SAMD9L: variants seen among roughly 807,000 people sequenced by gnomAD.
SAMD9L encodes the protein sterile alpha motif domain-containing protein 9-like.
Under a neutral mutation model 90.7 loss-of-function variants are expected in SAMD9L, and 68 were observed. The observed-to-expected ratio is 0.75, with a 90% confidence interval of 0.62 to 0.92. The LOEUF is 0.92. Among genes scored for constraint, SAMD9L ranks in the 40% least tolerant of loss-of-function variants. The probability of loss-of-function intolerance (pLI) is 0.00; values close to 1 mark genes in which losing one functional copy is unlikely to be tolerated. For synonymous variants in SAMD9L, 640 were observed against 630.1 expected (o/e 1.02, Z -0.23); for missense variants, 1,604 against 1,824.3 (o/e 0.88, Z 2.20).
In SAMD9L at chr7:93,135,725, C is replaced by T; in HGVS notation, c.247G>A (p.Asp83Asn). 1.2e-6 allele frequency: 2 copies of T among 1,614,024 alleles called. No homozygotes were observed. Among genetic ancestry groups the T allele is most frequent in the Non-Finnish European group, 1.7e-6 (2 of 1,179,986 alleles). ...TCTAATTGTCCCGGATCATGATTGT[C>T]ACTTTCAGGGGACTTACTATTCAAT... ...NKLNSKSPES[D>N]NHDPGQLDNS... is the part of the protein sequence containing the mutation. The change falls in exon 5 of 5, where the codon GAC becomes AAC. Residue 83 changes from aspartate (D) to asparagine (N), a missense_variant. Physicochemically the swap from Asp to Asn is conservative, Grantham distance 23. Coordinates refer to ENST00000318238, the MANE Select transcript of SAMD9L (RefSeq NM_152703.5).
At position 93,131,180 on chromosome 7, in the gene SAMD9L, TA is replaced by T; in HGVS notation, c.*36del. 8.6e-7 allele frequency: 1 copy of T among 1,160,368 alleles called. No individual in the cohort carries two copies. 71.9% of individuals were successfully genotyped at this position (1,160,368 alleles called of 1,614,324 possible). ...GAGAGAGAATAAAATCATAAAGATA[TA>T]AATAAACGTATTTGAACTACAGGTG... On this transcript the variant is annotated 3_prime_UTR_variant, in exon 5 of 5. Coordinates refer to ENST00000318238, the MANE Select transcript of SAMD9L (RefSeq NM_152703.5).
chr7:93,140,336 A>C (rs1792639973), intron 4 of SAMD9L, among the ~76,000 whole-genome samples: 1 of 148,238 alleles, frequency 6.7e-6, no homozygotes, highest in African/African-American at 2.5e-5. Flanking sequence ...CCCTAACTGG[A>C]GCATGCTGGA....
At position 93,131,651 on chromosome 7, in the gene SAMD9L, G is replaced by A. The variant is rs1401538840; in HGVS notation, c.4321C>T (p.Leu1441=). Reference sequence around the variant, plus strand: ...TCTATTAGTTTGGAATCTTGATCTAGCTCTTGATTTTCTGGCCAGAACAGG... The same window carrying A: ...TCTATTAGTTTGGAATCTTGATCTAACTCTTGATTTTCTGGCCAGAACAGG... ...CLLFWPENQE[L]DQDSKLIEKY... is the part of the protein sequence containing the mutation. The change falls in exon 5 of 5, where the codon CTA becomes TTA. Residue 1441 remains leucine (L), a synonymous_variant. Coordinates refer to ENST00000318238, the MANE Select transcript of SAMD9L (RefSeq NM_152703.5). The A allele has an allele frequency of 1.9e-6, 3 of 1,613,844 alleles. No individual in the cohort carries two copies. Among genetic ancestry groups the A allele is most frequent in the Non-Finnish European group, 2.5e-6 (3 of 1,179,872 alleles).
chr7:93,132,523 G>A lies in SAMD9L; in HGVS notation c.3449C>T (p.Thr1150Ile), dbSNP rs751143277. 1 of 1,613,842 alleles carries A rather than the reference G, an allele frequency of 6.2e-7. No homozygotes were observed. Among genetic ancestry groups the A allele is most frequent in the Non-Finnish European group, 8.5e-7 (1 of 1,179,800 alleles). The change falls in exon 5 of 5, where the codon ACA becomes ATA. Residue 1150 changes from threonine (T) to isoleucine (I), a missense_variant. Thr to Ile is a moderately conservative substitution (Grantham distance 89). This residue lies in a region of SAMD9L where 302 missense variants were observed against 314.7 expected (regional missense o/e 0.96). Coordinates refer to ENST00000318238, the MANE Select transcript of SAMD9L (RefSeq NM_152703.5). The stretch of plus-strand genomic sequence containing the variant: ...TTTTTCCGCAGCTTCTAGGAGATGT[G>A]TTAGGTCATTAACAGTAATGCTCCT... ...NCRSITVNDL[T>I]HLLEAAEKAS...
Position 93,132,034 on chromosome 7 carries a change from C to G in SAMD9L, c.3938G>C (p.Cys1313Ser), listed in dbSNP as rs751866365. 1 of 1,613,570 alleles carries G rather than the reference C, an allele frequency of 6.2e-7. No homozygotes were observed. Among genetic ancestry groups the G allele is most frequent in the South Asian group, 1.1e-5 (1 of 91,014 alleles). The change falls in exon 5 of 5, where the codon TGT becomes TCT. Residue 1313 changes from cysteine to serine, a missense_variant. By Grantham distance (112) the Cys-to-Ser change is moderately radical. Around this residue, in one of 7 missense-constraint regions of SAMD9L, gnomAD observed 282 missense variants for 329.6 expected, o/e 0.86. Coordinates refer to ENST00000318238, the MANE Select transcript of SAMD9L (RefSeq NM_152703.5). ...YTELFCHLDP[C>S]LLQSKESQLL... The stretch of plus-strand genomic sequence containing the variant: ...TTGACTCTCTTTACTTTGTAATAGA[C>G]ATGGATCCAAATGACAGAAAAGTTC...
At chr7:93,147,542 C>T (rs866369656) in intron 1 of SAMD9L, among the ~76,000 whole-genome samples, 5 of 152,136 alleles carry the variant, frequency 3.3e-5, no homozygotes, top group African/African-American at 1.2e-4. Context: ...TTCTGCTCTG[C>T]AGGATTCTTA....
At chr7:93,144,976 T>A (rs1294365818) in intron 3 of SAMD9L, 143 bp from the exon 4 acceptor site, 1 of 152,262 alleles carries the variant, frequency 6.6e-6, no homozygotes, top group Non-Finnish European at 1.5e-5. Flanking sequence ...GATTTTATTC[T>A]TTAATTAAAT....
chr7:93,135,793 A>G lies in SAMD9L; in HGVS notation c.179T>C (p.Leu60Pro). The G allele has an allele frequency of 6.2e-7, 1 of 1,614,050 alleles. No homozygotes were observed. Among genetic ancestry groups the G allele is most frequent in the Non-Finnish European group, 8.5e-7 (1 of 1,179,970 alleles). Residue 60 changes from leucine to proline, a missense_variant, in exon 5 of 5, where the codon CTA becomes CCA. By Grantham distance (98) the Leu-to-Pro change is moderately conservative. Transcript: ENST00000318238. ...TATCAAAAGTGCTGGACCCCATGGTAGCCCCATTTCTACAAGGTCCTTCTC... is the reference window on the plus strand; with the variant it reads ...TATCAAAAGTGCTGGACCCCATGGTGGCCCCATTTCTACAAGGTCCTTCTC... ...LTEKDLVEMGLPWGPALLIKR... is the reference protein window; with the variant it reads ...LTEKDLVEMGPPWGPALLIKR...
In SAMD9L at chr7:93,131,480, C is replaced by CT; in HGVS notation, c.4491_4492insA (p.Asp1498ArgfsTer2). On this transcript the variant is annotated frameshift_variant, in exon 5 of 5. Coordinates refer to ENST00000318238, the MANE Select transcript of SAMD9L (RefSeq NM_152703.5). LOFTEE classifies it high-confidence loss of function. ...AGGGAATTTGTATTTTGTGCTTTAT[C>CT]AAAGTACTGCTCTATTTTGGCCTTG... The CT allele has an allele frequency of 2.5e-6, 4 of 1,613,890 alleles. No individual in the cohort carries two copies. Among genetic ancestry groups the CT allele is most frequent in the Non-Finnish European group, 3.4e-6 (4 of 1,179,896 alleles).
In SAMD9L at chr7:93,131,797, C is replaced by A. The variant is rs1489535901; in HGVS notation, c.4175G>T (p.Cys1392Phe). Residue 1392 changes from cysteine (C) to phenylalanine (F), a missense_variant, in exon 5 of 5, where the codon TGT becomes TTT. This residue lies in a region of SAMD9L where 282 missense variants were observed against 329.6 expected (regional missense o/e 0.86). Coordinates refer to ENST00000318238, the MANE Select transcript of SAMD9L (RefSeq NM_152703.5). ...AATTAACTTGGAGTTGGGCTTTAGA[C>A]AACTCAGAATAATGTTGGCCAAAAT... ...NSILANIILS[C>F]LKPNSKLIQP... The A allele has an allele frequency of 6.2e-7, 1 of 1,613,464 alleles. No individual in the cohort carries two copies. The highest frequency in any genetic ancestry group is 8.5e-7 in the Non-Finnish European group (1 of 1,179,828).
rs1792916095 is a variant in SAMD9L at position 93,146,962 on chromosome 7, G to A, written c.-858C>T. On this transcript the variant is annotated 5_prime_UTR_variant, in exon 2 of 5. Transcript: ENST00000318238. ...GTTTTCCCTGGAGGAGGTCCCTTTT[G>A]ACTCTAGGTCCCCAGTGTCTTAAGA... is the stretch of plus-strand genomic sequence containing the variant. 1 of 152,196 alleles carries A rather than the reference G, an allele frequency of 6.6e-6. No homozygotes were observed. Among genetic ancestry groups the A allele is most frequent in the African/African-American group, 2.4e-5 (1 of 41,434 alleles). The allele number at this position is 152,196 out of a possible 1,614,324, so 9.4% of individuals were successfully genotyped here.
intron 4 of SAMD9L, among the ~76,000 whole-genome samples, chr7:93,137,459 A>G (rs1439414588): frequency 6.6e-6 from 1 of 152,086 alleles, no homozygotes; most frequent in African/African-American, 2.4e-5. Context: ...ATCACCCCAA[A>G]TGGGACCATC....
Position 93,131,096 on chromosome 7 carries a change from A to G in SAMD9L, c.*121T>C. 1.6e-6 allele frequency: 1 copy of G among 634,768 alleles called. No homozygotes were observed. The highest frequency in any genetic ancestry group is 2.4e-6 in the Non-Finnish European group (1 of 409,496). The allele number at this position is 634,768 out of a possible 1,614,324, so 39.3% of individuals were successfully genotyped here. ...GGCTTGTAATTCATTCAGGGAGGCAAAAGCAAAATCTGTAATTAGAGGTTA... is the reference window on the plus strand; with the variant it reads ...GGCTTGTAATTCATTCAGGGAGGCAGAAGCAAAATCTGTAATTAGAGGTTA... On this transcript the variant is annotated 3_prime_UTR_variant, in exon 5 of 5. Transcript: ENST00000318238.
chr7:93,133,794 T>G lies in SAMD9L; in HGVS notation c.2178A>C (p.Ala726=), dbSNP rs1269419908. Residue 726 remains alanine (A), a synonymous_variant, in exon 5 of 5, where the codon GCA becomes GCC. Transcript: ENST00000318238. ...TTGCAAATATTGGTTTAGGAGACTCTGCCCAGCAGTGTATTAAATCTTTAA... is the reference window on the plus strand; with the variant it reads ...TTGCAAATATTGGTTTAGGAGACTCGGCCCAGCAGTGTATTAAATCTTTAA... ...EKLKDLIHCW[A]ESPKPIFAKI... 6.2e-7 allele frequency: 1 copy of G among 1,613,842 alleles called. No homozygotes were observed. The highest frequency in any genetic ancestry group is 1.3e-5 in the African/African-American group (1 of 75,036).
At chr7:93,148,099 CAT>C (rs1467169933) in intron 1 of SAMD9L, 93 bp downstream of exon 1, 1 of 152,152 alleles carries the variant, frequency 6.6e-6, no homozygotes, top group African/African-American at 2.4e-5. Flanking sequence ...TATGTACAAA[CAT>C]ATATTTATAT....
rs185050525 is a variant in SAMD9L at position 93,137,164 on chromosome 7, G to A, written c.-20-1173C>T. ...AAAATACAAGCATTTTAAACTAGGGGTCTCCAAATCTGGGGACCTGGACCA... is the reference window on the plus strand; with the variant it reads ...AAAATACAAGCATTTTAAACTAGGGATCTCCAAATCTGGGGACCTGGACCA... On this transcript the variant is annotated intron_variant, in intron 4 of 4. Coordinates refer to ENST00000318238, the MANE Select transcript of SAMD9L (RefSeq NM_152703.5). Among the ~76,000 whole-genome samples, 134 of 152,232 alleles carry A rather than the reference G, an allele frequency of 8.8e-4. 1 individual carries two copies. The highest frequency in any genetic ancestry group is 4.2e-3 in the South Asian group (20 of 4,814).
In SAMD9L at chr7:93,133,456, C is replaced by A. The variant is rs776713309; in HGVS notation, c.2516G>T (p.Cys839Phe). 3.1e-6 allele frequency: 5 copies of A among 1,612,978 alleles called. No individual in the cohort carries two copies. The East Asian group carries it at 8.9e-5, about 29-fold the overall frequency. ...TTCATCTGGATTCCGGGATCTCATG[C>A]AGTTTAAGATAATTACCAATGTTTT... ...YEKTLVIILN[C>F]MRSRNPDESA... Residue 839 changes from cysteine (C) to phenylalanine (F), a missense_variant, in exon 5 of 5, where the codon TGC (cysteine) becomes TTC (phenylalanine). Physicochemically the swap from Cys to Phe is radical, Grantham distance 205. Around this residue, in one of 7 missense-constraint regions of SAMD9L, gnomAD observed 606 missense variants for 717.6 expected, o/e 0.84. Transcript: ENST00000318238.
At chr7:93,139,314 C>T (rs561552508) in intron 4 of SAMD9L, among the ~76,000 whole-genome samples, 19 of 152,220 alleles carry the variant, frequency 1.2e-4, no homozygotes, top group South Asian at 4.1e-4. Context: ...AATTATATCG[C>T]GCCAAAGTTC....
chr7:93,147,366 C>G (rs117524026), intron 1 of SAMD9L, among the ~76,000 whole-genome samples: 1 of 152,182 alleles, frequency 6.6e-6, no homozygotes, highest in Non-Finnish European at 1.5e-5. Context: ...TCTTTAGCAA[C>G]GTTGGTTATT....
Sources: gnomAD v4.1 joint callset for allele counts (sites outside exome capture counted in the v4.1 genomes callset) on GRCh38, gnomAD v4.1.1 for gene constraint, gnomAD v4.1.1 regional missense constraint, MANE v1.5 for transcripts, NCBI Gene and HGNC (gene_info 2026-07-23, HGNC 2026-07-21) for gene names.